Variants in SORBS2 observed in about 807,000 individuals in gnomAD.
SORBS2 encodes the protein sorbin and SH3 domain-containing protein 2.
In SORBS2, 46 loss-of-function variants were observed where a neutral mutation model predicts 97.7. The ratio of observed to expected loss-of-function variants is 0.47; its 90% CI spans 0.37 to 0.60. The LOEUF (loss-of-function observed/expected upper bound fraction) is 0.60. Ranked by LOEUF, SORBS2 falls within the 20% of genes least tolerant of loss-of-function variation. SORBS2 has a pLI of 0.00. For missense variants in SORBS2, 1,316 were observed against 1,282.3 expected (o/e 1.03, Z -0.40); for synonymous variants, 476 against 473.4 (o/e 1.01, Z -0.07).
chr4:185,707,641 G>A (rs575310182), intron 2 of SORBS2, among the ~76,000 whole-genome samples: 105 of 152,096 alleles, frequency 6.9e-4, no homozygotes, highest in Non-Finnish European at 1.2e-3. Flanking sequence ...TCCTAATAAA[G>A]ACATACCCAA....
chr4:185,850,458 A>G (rs2149683259), intron 1 of SORBS2, among the ~76,000 whole-genome samples: 1 of 152,314 alleles, frequency 6.6e-6, no homozygotes, highest in East Asian at 1.9e-4. Context: ...GACAGCATGT[A>G]GCTCCTTGGT....
intron 2 of SORBS2, among the ~76,000 whole-genome samples, chr4:185,683,770 T>C (rs1318920477): frequency 6.6e-6 from 1 of 152,196 alleles, no homozygotes; most frequent in African/African-American, 2.4e-5. Context: ...ATTCTGCATA[T>C]GGAAGTTCAT....
intron 4 of SORBS2, among the ~76,000 whole-genome samples, chr4:185,642,626 C>T (rs1035469906): frequency 3.3e-5 from 5 of 152,150 alleles, no homozygotes; most frequent in African/African-American, 1.2e-4. Flanking sequence ...AATTAATTAA[C>T]ATTTCTAAAT....
exon 7 of SORBS2, chr4:185,624,346 G>A (rs2096773542): frequency 1.9e-6 from 3 of 1,614,226 alleles, no homozygotes; most frequent in Non-Finnish European, 2.5e-6. Flanking sequence ...CCATTTGCCA[G>A]CCGTTCTTGA....
chr4:185,723,891 A>G (rs928251977), intron 2 of SORBS2, among the ~76,000 whole-genome samples: 9 of 152,164 alleles, frequency 5.9e-5, no homozygotes, highest in Non-Finnish European at 1.3e-4. Context: ...TGGCAGCTAC[A>G]TATTTTCAAT....
intron 1 of SORBS2, among the ~76,000 whole-genome samples, chr4:185,815,379 T>C (rs10017592): frequency 0.017 from 2,519 of 152,120 alleles, 48 homozygotes; most frequent in African/African-American, 0.05. Flanking sequence ...AAATTTGTTA[T>C]ATTATTAAAG....
At chr4:185,918,593 C>A (rs1313897831) in intron 1 of SORBS2, 1 of 152,220 alleles carries the variant, frequency 6.6e-6, no homozygotes. Flanking sequence ...CAAGAGGTCA[C>A]CACGGCCTCA....
chr4:185,741,415 T>G (rs955838403), intron 2 of SORBS2, among the ~76,000 whole-genome samples: 8 of 146,424 alleles, frequency 5.5e-5, no homozygotes, highest in Non-Finnish European at 1.2e-4. Flanking sequence ...TTTTTTTTTT[T>G]TTTTTTGAGG....
At position 185,938,385 on chromosome 4, in the gene SORBS2, CACAT is replaced by C. The variant is rs1242741800; in HGVS notation, c.-338+17807_-338+17810del. Among the ~76,000 whole-genome samples the C allele has an allele frequency of 5.4e-3, 629 of 117,334 alleles. 5 individuals are homozygous for C. The highest frequency in any genetic ancestry group is 0.022 in the African/African-American group (602 of 27,416). 77.0% of individuals were successfully genotyped at this position (117,334 alleles called of 152,430 possible). A position where few individuals can be genotyped will look rare whatever the true frequency, so the allele number is the denominator to read the frequency against. ...ATCCTCTCACCCAGAAAAATGTAGA[CACAT>C]ACACACACACACACACACACACACA... On this transcript the variant is annotated intron_variant, in intron 1 of 20. Transcript: ENST00000284776.
At chr4:185,783,012 T>TA in intron 1 of SORBS2, among the ~76,000 whole-genome samples, 1 of 152,250 alleles carries the variant, frequency 6.6e-6, no homozygotes, top group Non-Finnish European at 1.5e-5. Context: ...TCTGAGACAT[T>TA]AAAAAACTGA....
chr4:185,618,863 A>T (rs2096666691), intron 8 of SORBS2, among the ~76,000 whole-genome samples: 2 of 152,218 alleles, frequency 1.3e-5, no homozygotes, highest in African/African-American at 4.8e-5. Context: ...TTAGGAACTA[A>T]GGTAGATTAA....
intron 1 of SORBS2, among the ~76,000 whole-genome samples, chr4:185,836,421 T>C (rs916648774): frequency 1.3e-5 from 2 of 152,064 alleles, no homozygotes; most frequent in African/African-American, 2.4e-5. Context: ...ACAAAGACAA[T>C]AGTGATTAGA....
chr4:185,695,561 A>C (rs992077769), intron 2 of SORBS2, among the ~76,000 whole-genome samples: 3 of 152,062 alleles, frequency 2.0e-5, no homozygotes, highest in Non-Finnish European at 2.9e-5. Flanking sequence ...CAATCATATT[A>C]AGGTTATGCA....
intron 2 of SORBS2, chr4:185,773,661 T>C (rs971309363): frequency 2.0e-5 from 3 of 152,234 alleles, no homozygotes; most frequent in African/African-American, 7.2e-5. Context: ...CTCATTCTAC[T>C]CCTAACCTTC....
Sources: allele counts gnomAD v4.1 joint callset (sites outside exome capture counted in the v4.1 genomes callset), GRCh38; gene constraint gnomAD v4.1.1; transcripts MANE v1.5; gene names NCBI Gene and HGNC (gene_info 2026-07-23, HGNC 2026-07-21).